ACSF3: variants seen among roughly 807,000 people sequenced by gnomAD.
The protein encoded by ACSF3 is acyl-CoA synthetase family member 3, also known as malonate--CoA ligase ACSF3, mitochondrial.
A neutral mutation model predicts 53.2 loss-of-function variants in ACSF3; 78 were observed. The observed-to-expected ratio is 1.47, with a 90% CI of 1.22 to 1.77. ACSF3 has a LOEUF of 1.77. Ranked by LOEUF, ACSF3 falls within the 40% of genes most tolerant of loss-of-function variation. The pLI is 0.00. For missense variants in ACSF3, 937 were observed against 771.1 expected, an observed-to-expected ratio of 1.22 and a Z score of -2.55; for synonymous variants, 414 against 333.1, an observed-to-expected ratio of 1.24 and a Z score of -2.65.
intron 8 of ACSF3, among the ~76,000 whole-genome samples, chr16:89,140,547 G>T (rs1911554379): frequency 6.6e-6 from 1 of 152,220 alleles, no homozygotes. Context: ...GGGAGCAAAA[G>T]TCCGACAGGC....
chr16:89,098,505 C>G (rs1188756313), intron 1 of ACSF3, 86 bp from the exon 2 acceptor site: 1 of 369,252 alleles, frequency 2.7e-6, no homozygotes, highest in East Asian at 7.4e-5. Context: ...AACATGCTTC[C>G]CTTCCCCCAT....
chr16:89,131,470 G>A (rs1909312702), intron 7 of ACSF3, among the ~76,000 whole-genome samples: 2 of 152,108 alleles, frequency 1.3e-5, no homozygotes, highest in South Asian at 2.1e-4. Context: ...TGTTGTCTCA[G>A]TGCTGTTGTA....
intron 8 of ACSF3, among the ~76,000 whole-genome samples, chr16:89,143,962 G>A (rs1394930690): frequency 1.3e-5 from 2 of 152,234 alleles, no homozygotes; most frequent in South Asian, 2.1e-4. Context: ...TAACCCATGT[G>A]GAGTGCAGGG....
intron 2 of ACSF3, 48 bp from the exon 3 acceptor site, chr16:89,100,614 T>C: frequency 3.9e-6 from 6 of 1,535,370 alleles, no homozygotes; most frequent in Non-Finnish European, 5.3e-6. Context: ...TGGCCACGTT[T>C]GGATGGGACA....
chr16:89,128,296 C>T (rs372724580), intron 7 of ACSF3, among the ~76,000 whole-genome samples: 13 of 150,012 alleles, frequency 8.7e-5, no homozygotes, highest in African/African-American at 2.4e-4. Flanking sequence ...GTTTCGCTCT[C>T]GTTGCCCAGG....
chr16:89,152,748 T>C (rs1280243306), intron 10 of ACSF3: 1 of 152,076 alleles, frequency 6.6e-6, no homozygotes, highest in Admixed American at 6.5e-5. Flanking sequence ...GATAGGAACA[T>C]TGGAACCAGG....
intron 4 of ACSF3, among the ~76,000 whole-genome samples, chr16:89,104,498 G>A (rs998416106): frequency 2.4e-4 from 36 of 152,338 alleles, no homozygotes; most frequent in African/African-American, 7.9e-4. Context: ...CCCCATCGAA[G>A]GCTGTGTGGA....
chr16:89,097,410 A>G (rs1974751663), intron 1 of ACSF3, among the ~76,000 whole-genome samples: 1 of 152,204 alleles, frequency 6.6e-6, no homozygotes, highest in Non-Finnish European at 1.5e-5. Flanking sequence ...AGCACCCCAG[A>G]AAGCACCGTC....
chr16:89,128,539 C>T (rs1908632279), intron 7 of ACSF3, among the ~76,000 whole-genome samples: 2 of 152,176 alleles, frequency 1.3e-5, no homozygotes, highest in Admixed American at 6.5e-5. Context: ...AGATTACAGG[C>T]ATGAGCCACC....
At chr16:89,117,487 G>C (rs962550262) in intron 6 of ACSF3, among the ~76,000 whole-genome samples, 27 of 151,946 alleles carry the variant, frequency 1.8e-4, no homozygotes, top group Non-Finnish European at 3.2e-4. Flanking sequence ...TACACCGAGG[G>C]AGTCATGAGC....
At chr16:89,119,194 G>A (rs1452431440) in intron 6 of ACSF3, among the ~76,000 whole-genome samples, 2 of 152,300 alleles carry the variant, frequency 1.3e-5, no homozygotes, top group East Asian at 1.9e-4. Flanking sequence ...CCATCCCAGA[G>A]CCTCTTCAGC....
intron 7 of ACSF3, among the ~76,000 whole-genome samples, chr16:89,124,327 C>G (rs1176052472): frequency 1.3e-5 from 2 of 152,068 alleles, no homozygotes; most frequent in African/African-American, 4.8e-5. Context: ...GTGTGAGACC[C>G]GTTTGCACAC....
chr16:89,125,015 C>G (rs532309177), intron 7 of ACSF3, among the ~76,000 whole-genome samples: 92 of 152,194 alleles, frequency 6.0e-4, no homozygotes, highest in African/African-American at 2.2e-3. Flanking sequence ...TTTATTCTTT[C>G]TCAGAGTTGT....
intron 6 of ACSF3, among the ~76,000 whole-genome samples, chr16:89,117,410 GCCTTTTTT>G (rs1196702455): frequency 6.6e-6 from 1 of 152,154 alleles, no homozygotes; most frequent in Admixed American, 6.5e-5. Flanking sequence ...TGCCCCCCTA[GCCTTTTTT>G]ACTGGAACAG....
At chr16:89,107,312 T>C (rs549546654) in intron 4 of ACSF3, among the ~76,000 whole-genome samples, 1 of 152,090 alleles carries the variant, frequency 6.6e-6, no homozygotes, top group South Asian at 2.1e-4. Flanking sequence ...TTCGTGTCTT[T>C]CACCTCCGCG....
chr16:89,101,963 C>T (rs1439282175), intron 3 of ACSF3, among the ~76,000 whole-genome samples: 2 of 152,196 alleles, frequency 1.3e-5, no homozygotes, highest in South Asian at 2.1e-4. Flanking sequence ...CTGGAAGCGG[C>T]GCGCCTGTCG....
rs577275861 is a variant in ACSF3, at chr16:89,136,852, C to A, written c.1366+3590C>A. The A allele has an allele frequency of 7.0e-6, 9 of 1,280,706 alleles. No homozygotes were observed. In the Admixed American group the frequency reaches 9.2e-5, roughly 13 times the overall value. The allele number at this position is 1,280,706 out of a possible 1,614,324, so 79.3% of individuals were successfully genotyped here. A position where few individuals can be genotyped will look rare whatever the true frequency, so the allele number is the denominator to read the frequency against. On this transcript the variant is annotated intron_variant, in intron 8 of 10. Transcript: ENST00000614302. ...CAGGTAACTCCTCTGACGGCCACAA[C>A]GATGTCTTCAGACGTCAAAGGTCTG...
At position 89,143,525 on chromosome 16, in the gene ACSF3, G is replaced by A. The variant is rs551280339; in HGVS notation, c.1367-1742G>A. On this transcript the variant is annotated intron_variant, in intron 8 of 10. Transcript: ENST00000614302. ...AGGAGCAGCCTGGACGGGGTGGCTC[G>A]GTGCGATTAAGAGATGCTATTGGAA... Among the ~76,000 whole-genome samples the A allele has an allele frequency of 1.2e-4, 18 of 152,248 alleles. No individual in the cohort carries two copies. The South Asian group carries it at 3.1e-3, about 26-fold the overall frequency.
At chr16:89,111,972 G>C in intron 4 of ACSF3, 120 bp from the exon 5 acceptor site, 2 of 445,848 alleles carry the variant, frequency 4.5e-6, no homozygotes, top group Non-Finnish European at 6.5e-6. Context: ...CCTTTTAGAA[G>C]GGAGGCGCTG....
Sources: gnomAD v4.1 joint callset for allele counts (sites outside exome capture counted in the v4.1 genomes callset) on GRCh38, gnomAD v4.1.1 for gene constraint, MANE v1.5 for transcripts, NCBI Gene and HGNC (gene_info 2026-07-23, HGNC 2026-07-21) for gene names.